MMP16: variants seen among roughly 807,000 people sequenced by gnomAD.
MMP16 encodes the protein matrix metallopeptidase 16, also known as matrix metalloproteinase-16.
MMP16 carries 12 observed loss-of-function variants against 67.8 expected under a neutral mutation model. The observed-to-expected ratio is 0.18, with a 90% CI of 0.11 to 0.29. The LOEUF is 0.29. MMP16 is among the 10% of genes least tolerant of loss of function. MMP16 has a pLI of 1.00. For synonymous variants in MMP16, 249 were observed against 255.9 expected (o/e 0.97, Z 0.26); for missense variants, 475 against 765.7 (o/e 0.62, Z 4.48).
intron 1 of MMP16, among the ~76,000 whole-genome samples, chr8:88,292,095 G>C (rs1810934713): frequency 6.6e-6 from 1 of 152,096 alleles, no homozygotes; most frequent in Admixed American, 6.6e-5. Context: ...GCTGCTTCCT[G>C]AAAATAATAC....
At chr8:88,274,141 T>C (rs1031790996) in intron 1 of MMP16, among the ~76,000 whole-genome samples, 1 of 152,140 alleles carries the variant, frequency 6.6e-6, no homozygotes, top group East Asian at 1.9e-4. Flanking sequence ...CTGAGATTTA[T>C]GACGATGAAT....
At chr8:88,123,432 T>A (rs1807874281) in intron 4 of MMP16, among the ~76,000 whole-genome samples, 1 of 151,756 alleles carries the variant, frequency 6.6e-6, no homozygotes, top group Admixed American at 6.6e-5. Context: ...CTGAAAAACT[T>A]GATACTTTTG....
intron 2 of MMP16, among the ~76,000 whole-genome samples, chr8:88,192,451 A>G (rs1008977730): frequency 2.0e-5 from 3 of 152,188 alleles, no homozygotes; most frequent in Non-Finnish European, 2.9e-5. Context: ...TCAACTTTTT[A>G]CCTTTCAGAA....
rs1448247043 is a variant in MMP16 at position 88,094,201 on chromosome 8, A to G, written c.1084-19458T>C. Among the ~76,000 whole-genome samples, 5 of 151,854 alleles carry G rather than the reference A, an allele frequency of 3.3e-5. No homozygotes were observed. The East Asian group carries it at 9.7e-4, about 29-fold the overall frequency. On this transcript the variant is annotated intron_variant, in intron 6 of 9. Coordinates refer to ENST00000286614, the MANE Select transcript of MMP16 (RefSeq NM_005941.5). Reference sequence around the variant, plus strand: ...TTTCCAAACATGCTTTAGCCCTGAAATATTCTATGATGGTTTCTTCCATAT... The same window carrying G: ...TTTCCAAACATGCTTTAGCCCTGAAGTATTCTATGATGGTTTCTTCCATAT...
chr8:88,148,814 C>G (rs1808340641), intron 4 of MMP16, among the ~76,000 whole-genome samples: 1 of 152,274 alleles, frequency 6.6e-6, no homozygotes, highest in Admixed American at 6.5e-5. Context: ...CTACATGTTA[C>G]TTGTTAAAAT....
chr8:88,302,478 C>A (rs974684701), intron 1 of MMP16, among the ~76,000 whole-genome samples: 6 of 152,204 alleles, frequency 3.9e-5, no homozygotes, highest in Non-Finnish European at 8.8e-5. Flanking sequence ...TGTACTCCTT[C>A]TCCACTGACA....
At chr8:88,201,064 C>G (rs967538651) in intron 1 of MMP16, among the ~76,000 whole-genome samples, 1 of 149,962 alleles carries the variant, frequency 6.7e-6, no homozygotes, top group South Asian at 2.1e-4. Flanking sequence ...TTTTAAACTT[C>G]CCCACTGATA....
intron 7 of MMP16, among the ~76,000 whole-genome samples, chr8:88,066,474 A>C (rs1055106953): frequency 6.6e-6 from 1 of 152,104 alleles, no homozygotes; most frequent in Non-Finnish European, 1.5e-5. Flanking sequence ...ACACCTTATG[A>C]GCATAAAGGA....
Position 88,057,928 on chromosome 8 carries a change from T to C in MMP16, c.1223-1650A>G, listed in dbSNP as rs145438122. 5.0e-3 allele frequency among the ~76,000 whole-genome samples: 763 copies of C among 152,054 alleles called. 4 individuals carry two copies. The highest frequency in any genetic ancestry group is 0.017 in the African/African-American group (722 of 41,480). On this transcript the variant is annotated intron_variant, in intron 7 of 9. Coordinates refer to ENST00000286614, the MANE Select transcript of MMP16 (RefSeq NM_005941.5). ...CAGATGAAAACCAAATATACACATA[T>C]ATAACTTCAGTAATTGAAAAACTAC...
At chr8:88,054,313 C>T (rs1808305680) in intron 8 of MMP16, among the ~76,000 whole-genome samples, 1 of 152,126 alleles carries the variant, frequency 6.6e-6, no homozygotes, top group African/African-American at 2.4e-5. Flanking sequence ...AAGTGCAACT[C>T]CGTATAGTAC....
chr8:88,302,536 T>C (rs1190467773), intron 1 of MMP16, among the ~76,000 whole-genome samples: 2 of 152,054 alleles, frequency 1.3e-5, no homozygotes, highest in Non-Finnish European at 1.5e-5. Context: ...GTAACAACCC[T>C]AAATCACACT....
chr8:88,297,950 G>A (rs1403241116), intron 1 of MMP16, among the ~76,000 whole-genome samples: 1 of 152,072 alleles, frequency 6.6e-6, no homozygotes, highest in Admixed American at 6.6e-5. Context: ...ATTAGAGAAA[G>A]GAAATTCAAT....
intron 4 of MMP16, among the ~76,000 whole-genome samples, chr8:88,132,143 A>G (rs1024743240): frequency 3.3e-5 from 5 of 151,876 alleles, no homozygotes; most frequent in African/African-American, 1.2e-4. Context: ...ATTTTTTAAA[A>G]TATGCCATTA....
intron 2 of MMP16, 55 bp downstream of exon 2, chr8:88,197,103 C>G: frequency 1.3e-6 from 2 of 1,553,756 alleles, no homozygotes; most frequent in Admixed American, 4.3e-5. Flanking sequence ...GTTTTCCAGA[C>G]TACTTAGTTT....
At chr8:88,074,519 C>A in intron 7 of MMP16, 86 bp downstream of exon 7, 1 of 1,213,312 alleles carries the variant, frequency 8.2e-7, no homozygotes, top group East Asian at 2.6e-5. Context: ...GCTATGTAAT[C>A]TCATTTCATC....
chr8:88,271,984 A>G (rs537915085), intron 1 of MMP16, among the ~76,000 whole-genome samples: 24 of 152,358 alleles, frequency 1.6e-4, no homozygotes, highest in Admixed American at 1.5e-3. Flanking sequence ...TTAAGTTAGC[A>G]GTTTGTCCAT....
At chr8:88,207,291 A>C (rs2129808310) in intron 1 of MMP16, among the ~76,000 whole-genome samples, 1 of 152,320 alleles carries the variant, frequency 6.6e-6, no homozygotes, top group East Asian at 1.9e-4. Context: ...AATTAACTGT[A>C]GTACGTATTG....
At chr8:88,160,570 A>C (rs1341783067) in intron 4 of MMP16, among the ~76,000 whole-genome samples, 1 of 152,120 alleles carries the variant, frequency 6.6e-6, no homozygotes, top group Non-Finnish European at 1.5e-5. Flanking sequence ...ATGCAAATCA[A>C]AACCATGATG....
chr8:88,319,300 T>C (rs1811422962), intron 1 of MMP16, among the ~76,000 whole-genome samples: 1 of 152,138 alleles, frequency 6.6e-6, no homozygotes, highest in South Asian at 2.1e-4. Flanking sequence ...TATACATTTG[T>C]TTCTCTAAGC....
Sources: gnomAD v4.1 joint callset for allele counts (sites outside exome capture counted in the v4.1 genomes callset) on GRCh38, gnomAD v4.1.1 for gene constraint, MANE v1.5 for transcripts, NCBI Gene and HGNC (gene_info 2026-07-23, HGNC 2026-07-21) for gene names.